The following NHS variants were observed in gnomAD, a reference collection of about 807,000 sequenced individuals.
The protein encoded by NHS is NHS actin remodeling regulator, also known as actin remodeling regulator NHS.
In NHS, 5 loss-of-function variants were observed where a neutral mutation model predicts 72.5. That is an observed-to-expected ratio of 0.07 (90% CI 0.04 to 0.14). NHS has a LOEUF of 0.14. Ranked by LOEUF, NHS falls within the 10% of genes least tolerant of loss-of-function variation. The pLI is 1.00. For synonymous variants in NHS, 464 were observed against 547.7 expected (o/e 0.85, Z 2.13); for missense variants, 1,072 against 1,355.7 (o/e 0.79, Z 3.29).
At chrX:17,593,966 A>G (rs752232353) in intron 1 of NHS, among the ~76,000 whole-genome samples, 1 of 111,424 alleles carries the variant, frequency 9.0e-6, no homozygotes, top group East Asian at 2.8e-4. Context: ...TTTCTTTTTC[A>G]TACCTGTTTG....
intron 1 of NHS, among the ~76,000 whole-genome samples, chrX:17,531,122 C>T (rs1353358949): frequency 1.8e-5 from 2 of 111,499 alleles, no homozygotes; most frequent in Non-Finnish European, 3.8e-5. Flanking sequence ...ACCCTTGCCC[C>T]CTGCCTCATG....
chrX:17,414,753 T>C (rs2064582403), intron 1 of NHS, among the ~76,000 whole-genome samples: 1 of 111,614 alleles, frequency 9.0e-6, no homozygotes, highest in Non-Finnish European at 1.9e-5. Flanking sequence ...TCCTAGCCTA[T>C]GATGTTTTCA....
At chrX:17,429,224 A>ATGTG (rs10616889) in intron 1 of NHS, among the ~76,000 whole-genome samples, 1,136 of 96,826 alleles carry the variant, frequency 0.012, 6 homozygotes, top group Middle Eastern at 0.022. Context: ...GTACTGGGGG[A>ATGTG]TGTGTGTGTG....
intron 1 of NHS, among the ~76,000 whole-genome samples, chrX:17,450,760 C>G (rs1234988827): frequency 3.6e-5 from 4 of 111,911 alleles, no homozygotes; most frequent in South Asian, 7.5e-4. Flanking sequence ...CTTGTAATCT[C>G]AGGTACTTGG....
In NHS at chrX:17,475,835, G is replaced by A. The variant is rs186816342; in HGVS notation, c.565+99513G>A. On this transcript the variant is annotated intron_variant, in intron 1 of 8. Coordinates refer to ENST00000676302, the MANE Select transcript of NHS (RefSeq NM_001291867.2). ...TACCTCACTTCCCTTCCTGCCCCTC[G>A]CCTCGTCCTTTTCCTATCTCCAGCC... Among the ~76,000 whole-genome samples the A allele has an allele frequency of 4.0e-4, 45 of 111,798 alleles. No individual in the cohort carries two copies. In the East Asian group the frequency reaches 0.012, roughly 29 times the overall value.
chrX:17,687,720 C>T (rs773546351), intron 1 of NHS, 22 bp from the exon 2 acceptor site: 17 of 1,098,025 alleles, frequency 1.5e-5, no homozygotes, highest in African/African-American at 7.6e-5. Flanking sequence ...TGATGGACAA[C>T]GCCCTGTTTC....
At chrX:17,433,243 G>T (rs775502550) in intron 1 of NHS, among the ~76,000 whole-genome samples, 302 of 96,318 alleles carry the variant, frequency 3.1e-3, no homozygotes, top group Non-Finnish European at 4.9e-3. Context: ...TAGAGACGGG[G>T]TTTCACCATG....
chrX:17,600,091 A>G (rs1211203850), intron 1 of NHS, among the ~76,000 whole-genome samples: 1 of 111,915 alleles, frequency 8.9e-6, no homozygotes, highest in Admixed American at 9.5e-5. Flanking sequence ...GGCAGCTAGT[A>G]CTAAGACACT....
intron 1 of NHS, among the ~76,000 whole-genome samples, chrX:17,527,171 A>C (rs747852081): frequency 8.9e-6 from 1 of 112,697 alleles, no homozygotes; most frequent in African/African-American, 3.2e-5. Context: ...TCTGTAATAA[A>C]GAGGGTACCC....
intron 1 of NHS, among the ~76,000 whole-genome samples, chrX:17,537,833 C>G (rs113552620): frequency 8.0e-5 from 9 of 111,978 alleles, no homozygotes; most frequent in Admixed American, 2.8e-4. Flanking sequence ...GGAGTGATTC[C>G]TAAGAGACAA....
intron 1 of NHS, among the ~76,000 whole-genome samples, chrX:17,538,779 G>A (rs1243849434): frequency 1.8e-5 from 2 of 112,171 alleles, no homozygotes; most frequent in Non-Finnish European, 3.8e-5. Flanking sequence ...GGTGCCCAAT[G>A]TTGCACAGAC....
chrX:17,636,133 T>C (rs1375001190), intron 1 of NHS, among the ~76,000 whole-genome samples: 1 of 111,920 alleles, frequency 8.9e-6, no homozygotes, highest in Non-Finnish European at 1.9e-5. Context: ...TTCAGTATCT[T>C]ACCTTCATCC....
intron 5 of NHS, among the ~76,000 whole-genome samples, chrX:17,723,030 CTA>C (rs1303072718): frequency 2.7e-5 from 3 of 111,640 alleles, no homozygotes; most frequent in African/African-American, 3.3e-5. Context: ...ATGTCTGCGT[CTA>C]TATATAATGC....
At chrX:17,426,481 G>T (rs961042691) in intron 1 of NHS, among the ~76,000 whole-genome samples, 1 of 111,857 alleles carries the variant, frequency 8.9e-6, no homozygotes, top group African/African-American at 3.2e-5. Flanking sequence ...TGTTCCTTTC[G>T]CTGCTCAGCT....
At chrX:17,728,401 C>A in intron 7 of NHS, 73 bp downstream of exon 7, 1 of 986,522 alleles carries the variant, frequency 1.0e-6, no homozygotes. Flanking sequence ...CTTATGTTCC[C>A]AATAATACGG....
chrX:17,692,916 A>G (rs1165648631), intron 3 of NHS, among the ~76,000 whole-genome samples: 3 of 111,389 alleles, frequency 2.7e-5, no homozygotes, highest in Non-Finnish European at 5.6e-5. Flanking sequence ...ACTGATACAG[A>G]GTAAGACCTC....
intron 1 of NHS, among the ~76,000 whole-genome samples, chrX:17,518,144 T>C (rs749940410): frequency 8.9e-5 from 10 of 111,786 alleles, no homozygotes; most frequent in Non-Finnish European, 1.7e-4. Flanking sequence ...CCTAGAACAC[T>C]GCTGGCCCAA....
At chrX:17,591,626 C>G (rs1371205757) in intron 1 of NHS, among the ~76,000 whole-genome samples, 4 of 111,273 alleles carry the variant, frequency 3.6e-5, no homozygotes, top group Non-Finnish European at 3.8e-5. Flanking sequence ...AATAAATTGC[C>G]CGAGGTGCAC....
chrX:17,714,647 AT>A (rs2066354628), intron 3 of NHS, among the ~76,000 whole-genome samples: 1 of 112,188 alleles, frequency 8.9e-6, no homozygotes, highest in Non-Finnish European at 1.9e-5. Context: ...TACAACACAT[AT>A]TTATTGAGCG....
Sources: gnomAD v4.1 joint callset for allele counts (sites outside exome capture counted in the v4.1 genomes callset) on GRCh38, gnomAD v4.1.1 for gene constraint, MANE v1.5 for transcripts, NCBI Gene and HGNC (gene_info 2026-07-23, HGNC 2026-07-21) for gene names.